Variants in PRKN observed in about 807,000 individuals in gnomAD.
PRKN encodes the protein parkin RBR E3 ubiquitin protein ligase, also known as E3 ubiquitin-protein ligase parkin.
PRKN carries 56 observed loss-of-function variants against 59.5 expected under a neutral mutation model. The observed-to-expected ratio is 0.94, with a 90% CI of 0.76 to 1.18. The LOEUF (loss-of-function observed/expected upper bound fraction) is 1.18, where lower values mean the gene tolerates loss of function less well. PRKN is among the 50% of genes most tolerant of loss of function. The pLI is 0.00. For missense variants in PRKN, 657 were observed against 596.4 expected (o/e 1.10, Z -1.06); for synonymous variants, 250 against 222.1 (o/e 1.13, Z -1.12).
chr6:161,964,053 C>T (rs1349861912), intron 6 of PRKN, among the ~76,000 whole-genome samples: 2 of 152,002 alleles, frequency 1.3e-5, no homozygotes, highest in African/African-American at 2.4e-5. Flanking sequence ...ATCCACCTTC[C>T]GGCCTCACCA....
intron 1 of PRKN, chr6:162,568,732 A>T (rs1417072504): frequency 6.6e-6 from 5 of 759,516 alleles, no homozygotes; most frequent in South Asian, 1.3e-5. Flanking sequence ...AACATGTTCA[A>T]GAGCTACATC....
chr6:162,376,213 G>A (rs768733948), intron 2 of PRKN, among the ~76,000 whole-genome samples: 5 of 152,004 alleles, frequency 3.3e-5, no homozygotes, highest in Admixed American at 1.3e-4. Context: ...AACACAGACC[G>A]CACCCTTGTG....
intron 6 of PRKN, among the ~76,000 whole-genome samples, chr6:161,897,222 C>T (rs1777661763): frequency 6.6e-6 from 1 of 152,206 alleles, no homozygotes; most frequent in Admixed American, 6.5e-5. Flanking sequence ...GCAGCCTCCT[C>T]AAGCCCAGAA....
At chr6:161,897,805 T>TA (rs758358196) in intron 6 of PRKN, among the ~76,000 whole-genome samples, 1 of 119,208 alleles carries the variant, frequency 8.4e-6, no homozygotes, top group Non-Finnish European at 1.6e-5. Flanking sequence ...CCGTCTCTAC[T>TA]GAAAATACAA....
chr6:161,874,801 TAA>T (rs1471731947), intron 6 of PRKN, among the ~76,000 whole-genome samples: 28 of 82,600 alleles, frequency 3.4e-4, no homozygotes, highest in African/African-American at 1.5e-3. Flanking sequence ...ATAAAATGTA[TAA>T]GATATATAAA....
At chr6:161,443,436 G>T (rs73785917) in intron 9 of PRKN, among the ~76,000 whole-genome samples, 1 of 152,114 alleles carries the variant, frequency 6.6e-6, no homozygotes, top group African/African-American at 2.4e-5. Context: ...TAAATCAAGC[G>T]CAGGAGTTTG....
At chr6:161,589,260 C>A (rs1781628587) in intron 7 of PRKN, among the ~76,000 whole-genome samples, 1 of 152,206 alleles carries the variant, frequency 6.6e-6, no homozygotes, top group Admixed American at 6.5e-5. Context: ...GGGTCCACTG[C>A]AGGTCTGCAC....
chr6:161,561,436 T>C lies in PRKN; in HGVS notation c.933+7919A>G, dbSNP rs1780450667. ...CTGATGTCCTGATGTGCTCAACAGA[T>C]GTTTCCTAAGCACACTCTAAGTGTC... On this transcript the variant is annotated intron_variant, in intron 8 of 11. Transcript: ENST00000366898. This position sits in a 1 kb window ranked among gnomAD's most constrained non-coding sequence, Gnocchi z 5.0. Among the ~76,000 whole-genome samples the C allele has an allele frequency of 6.6e-6, 1 of 152,180 alleles. No homozygotes were observed. The highest frequency in any genetic ancestry group is 6.5e-5 in the Admixed American group (1 of 15,284).
Position 162,414,726 on chromosome 6 carries a change from A to AAAAAAAAAAAAAGGT in PRKN, c.171+28583_171+28584insACCTTTTTTTTTTTT, listed in dbSNP as rs34838356. 5.4e-3 allele frequency among the ~76,000 whole-genome samples: 492 copies of AAAAAAAAAAAAAGGT among 91,788 alleles called. 13 individuals are homozygous for AAAAAAAAAAAAAGGT. Among genetic ancestry groups the AAAAAAAAAAAAAGGT allele is most frequent in the East Asian group, 9.7e-3 (26 of 2,690 alleles). 60.2% of individuals were successfully genotyped at this position (91,788 alleles called of 152,430 possible). A position where few individuals can be genotyped will look rare whatever the true frequency, so the allele number is the denominator to read the frequency against. On this transcript the variant is annotated intron_variant, in intron 2 of 11. Coordinates refer to ENST00000366898, the MANE Select transcript of PRKN (RefSeq NM_004562.3). ...ACTCCGTCTCAAAAAAAAAAAAAAA[A>AAAAAAAAAAAAAGGT]AGTGAATCTTTGAAGTTTTAAAATA...
At chr6:162,192,078 T>C (rs1055109503) in intron 4 of PRKN, among the ~76,000 whole-genome samples, 4 of 152,222 alleles carry the variant, frequency 2.6e-5, no homozygotes, top group Non-Finnish European at 5.9e-5. Flanking sequence ...TTTTCTTTTA[T>C]GCTTTGTAGG....
chr6:162,586,662 T>G (rs1188602295), intron 1 of PRKN, among the ~76,000 whole-genome samples: 1 of 152,200 alleles, frequency 6.6e-6, no homozygotes, highest in Non-Finnish European at 1.5e-5. Flanking sequence ...TGCTGCATAT[T>G]AAATCTAATA....
chr6:161,656,458 G>A (rs554510516), intron 7 of PRKN, among the ~76,000 whole-genome samples: 48 of 152,174 alleles, frequency 3.2e-4, no homozygotes, highest in Non-Finnish European at 5.4e-4. Flanking sequence ...AACCCCACAG[G>A]ACAGGGGCAC....
intron 1 of PRKN, among the ~76,000 whole-genome samples, chr6:162,460,500 A>G (rs1791099925): frequency 6.6e-6 from 1 of 152,198 alleles, no homozygotes; most frequent in South Asian, 2.1e-4. Context: ...TAGAATTTAA[A>G]TGGGTGAATT....
chr6:162,256,221 T>A (rs998327622), intron 3 of PRKN, among the ~76,000 whole-genome samples: 1 of 152,162 alleles, frequency 6.6e-6, no homozygotes, highest in Non-Finnish European at 1.5e-5. Flanking sequence ...TTCCTTGTCA[T>A]AAGGGTTTCA....
intron 8 of PRKN, among the ~76,000 whole-genome samples, chr6:161,555,404 C>T (rs951741868): frequency 1.4e-5 from 2 of 141,168 alleles, no homozygotes; most frequent in Non-Finnish European, 3.1e-5. Flanking sequence ...AGAGTTTTAC[C>T]TTGTTCCTTT....
chr6:161,480,019 GAT>G lies in PRKN; in HGVS notation c.1083+68833_1083+68834del, dbSNP rs1235306517. Among the ~76,000 whole-genome samples, 2 of 152,190 alleles carry G rather than the reference GAT, an allele frequency of 1.3e-5. No individual in the cohort carries two copies. Among genetic ancestry groups the G allele is most frequent in the East Asian group, 1.9e-4 (1 of 5,178 alleles). Reference sequence around the variant, plus strand: ...CCTTGCTCCCTTCCCTCTGGTGCGGGATCATGGAAGCCCAGGTGAAGGTGAGC... The same window carrying G: ...CCTTGCTCCCTTCCCTCTGGTGCGGGCATGGAAGCCCAGGTGAAGGTGAGC... On this transcript the variant is annotated intron_variant, in intron 9 of 11. Coordinates refer to ENST00000366898, the MANE Select transcript of PRKN (RefSeq NM_004562.3). This position sits in a 1 kb window ranked among gnomAD's most constrained non-coding sequence, Gnocchi z 4.1.
chr6:161,777,751 A>G (rs1416072933), intron 7 of PRKN, among the ~76,000 whole-genome samples: 1 of 136,226 alleles, frequency 7.3e-6, no homozygotes, highest in African/African-American at 2.9e-5. Flanking sequence ...ATATATAGAT[A>G]TATATGTATA....
chr6:162,716,492 A>G (rs1778724953), intron 1 of PRKN, among the ~76,000 whole-genome samples: 1 of 152,220 alleles, frequency 6.6e-6, no homozygotes, highest in South Asian at 2.1e-4. Flanking sequence ...TCAGAAAGCA[A>G]TATACACATA....
intron 5 of PRKN, among the ~76,000 whole-genome samples, chr6:162,016,731 C>A (rs1782948510): frequency 6.6e-6 from 1 of 152,104 alleles, no homozygotes; most frequent in African/African-American, 2.4e-5. Flanking sequence ...CGGTCTCAAG[C>A]CCAAGCATGC....
Sources: allele counts gnomAD v4.1 joint callset (sites outside exome capture counted in the v4.1 genomes callset), GRCh38; gene constraint gnomAD v4.1.1; non-coding constraint Gnocchi (gnomAD v3.1); transcripts MANE v1.5; gene names NCBI Gene and HGNC (gene_info 2026-07-23, HGNC 2026-07-21).